Variants in FBXL19 observed in about 807,000 individuals in gnomAD.
FBXL19 encodes F-box and leucine rich repeat protein 19.
FBXL19 carries 16 observed loss-of-function variants against 71.2 expected under a neutral mutation model. The observed-to-expected ratio is 0.22, with a 90% CI of 0.15 to 0.34. The LOEUF (loss-of-function observed/expected upper bound fraction) is 0.34, where lower values mean the gene tolerates loss of function less well. FBXL19 is among the 10% of genes least tolerant of loss of function. The pLI is 1.00. For missense variants in FBXL19, 658 were observed against 968.2 expected, an observed-to-expected ratio of 0.68 and a Z score of 4.25; for synonymous variants, 447 against 409.4, an observed-to-expected ratio of 1.09 and a Z score of -1.11.
chr16:30,928,585 C>A lies in FBXL19; in HGVS notation c.746C>A (p.Ala249Asp), dbSNP rs1461802297. ...CCCAGGGTTCTGAATCCGAGCCAGG[C>A]TTTCTCATCCTGCCACCCTGGGCTC... ...LPPRVLNPSQ[A>D]FSSCHPGLPP... The change falls in exon 6 of 11, where the codon GCT becomes GAT. Residue 249 changes from alanine to aspartate, a missense_variant. This residue lies in a region of FBXL19 where 447 missense variants were observed against 515.4 expected (regional missense o/e 0.87). Transcript: ENST00000338343. The A allele has an allele frequency of 1.2e-6, 2 of 1,604,752 alleles. No homozygotes were observed. The highest frequency in any genetic ancestry group is 1.7e-6 in the Non-Finnish European group (2 of 1,175,842).
Position 30,942,341 on chromosome 16 carries a change from C to A in FBXL19, c.1466-34C>A. The A allele has an allele frequency of 6.2e-7, 1 of 1,604,652 alleles. No individual in the cohort carries two copies. Among genetic ancestry groups the A allele is most frequent in the Non-Finnish European group, 8.5e-7 (1 of 1,174,688 alleles). ...GGACAGGCCTGGGATGGAGTCCTCA[C>A]AGCACCTGCTTCCTGACTGCCCCCT... On this transcript the variant is annotated intron_variant, in intron 8 of 10. Coordinates refer to ENST00000338343, the MANE Select transcript of FBXL19 (RefSeq NM_001382779.1). This position sits in a 1 kb window ranked among gnomAD's most constrained non-coding sequence, Gnocchi z 5.7.
chr16:30,942,040 G>T lies in FBXL19; in HGVS notation c.1302-76G>T. On this transcript the variant is annotated intron_variant, in intron 7 of 10. Transcript: ENST00000338343. The surrounding 1 kb of genome is among the most constrained non-coding windows in gnomAD (Gnocchi z 5.7). ...AGAAGAGAGCTGGGGTGCACCCTTG[G>T]AGCTGGGGAGCCTGGGAACTGTGGG... 1.4e-6 allele frequency: 2 copies of T among 1,433,792 alleles called. No homozygotes were observed. Among genetic ancestry groups the T allele is most frequent in the Non-Finnish European group, 1.8e-6 (2 of 1,085,930 alleles). 88.8% of individuals were successfully genotyped at this position (1,433,792 alleles called of 1,614,324 possible). A position where few individuals can be genotyped will look rare whatever the true frequency, so the allele number is the denominator to read the frequency against.
At chr16:30,924,561 CCT>C (rs1404620366) in intron 1 of FBXL19, 102 bp downstream of exon 1, 35 of 1,333,270 alleles carry the variant, frequency 2.6e-5, no homozygotes, top group Non-Finnish European at 3.2e-5. Context: ...CCAGCCTCAC[CCT>C]CTCTCTACTC....
In FBXL19 at chr16:30,946,619, T is replaced by A. The variant is rs917895196; in HGVS notation, c.1628-111T>A. 1.9e-6 allele frequency: 2 copies of A among 1,025,898 alleles called. No homozygotes were observed. The highest frequency in any genetic ancestry group is 1.5e-5 in the South Asian group (1 of 65,264). 63.5% of individuals were successfully genotyped at this position (1,025,898 alleles called of 1,614,324 possible). On this transcript the variant is annotated intron_variant, in intron 9 of 10. Transcript: ENST00000338343. This position sits in a 1 kb window ranked among gnomAD's most constrained non-coding sequence, Gnocchi z 6.7. ...TTTTTGAGAAGAGCAAGCCACAGAGTGCACCAGGTCACTCACTTATGTGGG... is the reference window on the plus strand; with the variant it reads ...TTTTTGAGAAGAGCAAGCCACAGAGAGCACCAGGTCACTCACTTATGTGGG...
intron 5 of FBXL19, 33 bp from the exon 6 acceptor site, chr16:30,928,434 C>T (rs750178740): frequency 6.6e-7 from 1 of 1,525,064 alleles, no homozygotes; most frequent in African/African-American, 1.4e-5. Context: ...TGGGGTCTCT[C>T]CCTTCCTCCA....
At chr16:30,939,135 A>T (rs1303490939) in intron 7 of FBXL19, among the ~76,000 whole-genome samples, 1 of 146,704 alleles carries the variant, frequency 6.8e-6, no homozygotes, top group South Asian at 2.2e-4. Context: ...GCAGTGGCGC[A>T]ATCTCGGCTT....
chr16:30,943,500 A>G (rs1481777205), intron 9 of FBXL19, among the ~76,000 whole-genome samples: 2 of 140,730 alleles, frequency 1.4e-5, no homozygotes, highest in African/African-American at 2.7e-5. Flanking sequence ...TCAGCCTCCC[A>G]AGTAGCTGGG....
chr16:30,927,583 C>T lies in FBXL19; in HGVS notation c.332C>T (p.Ala111Val), dbSNP rs1306588084. 6.4e-7 allele frequency: 1 copy of T among 1,558,876 alleles called. No homozygotes were observed. Among genetic ancestry groups the T allele is most frequent in the East Asian group, 2.4e-5 (1 of 41,416 alleles). The change falls in exon 4 of 11, where the codon GCT becomes GTT. Residue 111 changes from alanine (A) to valine (V), a missense_variant. Ala to Val is a moderately conservative substitution (Grantham distance 64). This residue lies in a region of FBXL19 where 447 missense variants were observed against 515.4 expected (regional missense o/e 0.87). Coordinates refer to ENST00000338343, the MANE Select transcript of FBXL19 (RefSeq NM_001382779.1). ...VHPGCLKMGK[A>V]EGVINAEIPN... is the part of the protein sequence containing the mutation. ...CCCTCCTGCCTACAGATGGGGAAGG[C>T]TGAGGGTGTCATCAATGCAGAGATC...
At chr16:30,938,624 G>A (rs2055763886) in intron 7 of FBXL19, among the ~76,000 whole-genome samples, 1 of 152,118 alleles carries the variant, frequency 6.6e-6, no homozygotes, top group South Asian at 2.1e-4. Context: ...TTGGAAGGAA[G>A]TCTCTCCATC....
At position 30,930,262 on chromosome 16, in the gene FBXL19, C is replaced by T; in HGVS notation, c.979C>T (p.Pro327Ser). Residue 327 changes from proline to serine, a missense_variant, in exon 7 of 11, where the codon CCC (proline) becomes TCC (serine). Pro to Ser is a moderately conservative substitution (Grantham distance 74). Coordinates refer to ENST00000338343, the MANE Select transcript of FBXL19 (RefSeq NM_001382779.1). This position sits in a 1 kb window ranked among gnomAD's most constrained non-coding sequence, Gnocchi z 8.5. ...SGTSLSEDEA[P>S]GEARNGRRPA... The stretch of plus-strand genomic sequence containing the variant: ...CACATCGCTGAGTGAGGACGAAGCC[C>T]CCGGCGAGGCCCGGAATGGGCGACG... 1 of 1,612,790 alleles carries T rather than the reference C, an allele frequency of 6.2e-7. No homozygotes were observed. The highest frequency in any genetic ancestry group is 8.5e-7 in the Non-Finnish European group (1 of 1,179,792).
At chr16:30,943,221 C>T (rs1175652743) in intron 9 of FBXL19, among the ~76,000 whole-genome samples, 2 of 152,156 alleles carry the variant, frequency 1.3e-5, no homozygotes, top group Non-Finnish European at 2.9e-5. Flanking sequence ...GACCATCTGG[C>T]TCTGTCACCC....
chr16:30,922,851 G>C (rs1056155607), upstream of FBXL19: 1 of 351,368 alleles, frequency 2.8e-6, no homozygotes, highest in East Asian at 8.0e-5. Context: ...TGGTGGGGGG[G>C]ATTTCGAGAC....
intron 2 of FBXL19, among the ~76,000 whole-genome samples, chr16:30,926,585 C>T (rs1309933179): frequency 6.6e-6 from 1 of 151,944 alleles, no homozygotes; most frequent in Non-Finnish European, 1.5e-5. Context: ...ATCCTGCGTC[C>T]CCCTCCCCAC....
intron 7 of FBXL19, among the ~76,000 whole-genome samples, chr16:30,936,905 G>A (rs1435266980): frequency 6.6e-6 from 1 of 150,778 alleles, no homozygotes; most frequent in Non-Finnish European, 1.5e-5. Context: ...ACCACACCCA[G>A]CTAATTTTTG....
At position 30,947,823 on chromosome 16, in the gene FBXL19, A is replaced by C; in HGVS notation, c.*593A>C. 1 of 443,838 alleles carries C rather than the reference A, an allele frequency of 2.3e-6. No individual in the cohort carries two copies. Among genetic ancestry groups the C allele is most frequent in the Non-Finnish European group, 4.5e-6 (1 of 221,150 alleles). 27.5% of individuals were successfully genotyped at this position (443,838 alleles called of 1,614,324 possible). ...GGACAGCAATACCCCCTTGGGGGTC[A>C]CCTCTCTGCTTCCCCCCTCCCCAGG... is the stretch of plus-strand genomic sequence containing the variant. On this transcript the variant is annotated 3_prime_UTR_variant, in exon 11 of 11. Coordinates refer to ENST00000338343, the MANE Select transcript of FBXL19 (RefSeq NM_001382779.1).
At position 30,946,822 on chromosome 16, in the gene FBXL19, C is replaced by T; in HGVS notation, c.1720C>T (p.Arg574Cys). 14 of 1,612,778 alleles carry T rather than the reference C, an allele frequency of 8.7e-6. No individual in the cohort carries two copies. Among genetic ancestry groups the T allele is most frequent in the Non-Finnish European group, 1.2e-5 (14 of 1,179,660 alleles). Residue 574 changes from arginine (R) to cysteine (C), a missense_variant, in exon 10 of 11, where the codon CGT (arginine) becomes TGT (cysteine). Arg to Cys is a radical substitution (Grantham distance 180, BLOSUM62 -3). This residue lies in a region of FBXL19 where 69 missense variants were observed against 177.8 expected (regional missense o/e 0.39). Transcript: ENST00000338343. This position sits in a 1 kb window ranked among gnomAD's most constrained non-coding sequence, Gnocchi z 6.7. ...LTDASLRLLL[R>C]HAPQLSALDL... ...AGATGCCTCCCTGCGTCTCCTGCTG[C>T]GTCACGCACCCCAGCTGAGCGCCCT...
At chr16:30,936,722 A>G (rs1282535015) in intron 7 of FBXL19, among the ~76,000 whole-genome samples, 2 of 137,430 alleles carry the variant, frequency 1.5e-5, no homozygotes, top group East Asian at 2.1e-4. Context: ...CTGGGATTAC[A>G]GGCGTGAGCC....
At position 30,942,052 on chromosome 16, in the gene FBXL19, C is replaced by T. The variant is rs1465646301; in HGVS notation, c.1302-64C>T. ...GGGTGCACCCTTGGAGCTGGGGAGC[C>T]TGGGAACTGTGGGCTGCTGAGAGCT... On this transcript the variant is annotated intron_variant, in intron 7 of 10. Coordinates refer to ENST00000338343, the MANE Select transcript of FBXL19 (RefSeq NM_001382779.1). The surrounding 1 kb of genome is among the most constrained non-coding windows in gnomAD (Gnocchi z 5.7). The T allele has an allele frequency of 2.1e-6, 3 of 1,452,148 alleles. No individual in the cohort carries two copies. Among genetic ancestry groups the T allele is most frequent in the Non-Finnish European group, 2.7e-6 (3 of 1,096,942 alleles). 90.0% of individuals were successfully genotyped at this position (1,452,148 alleles called of 1,614,324 possible).
At chr16:30,929,937 C>A in intron 6 of FBXL19, 136 bp from the exon 7 acceptor site, 2 of 1,170,726 alleles carry the variant, frequency 1.7e-6, no homozygotes, top group Non-Finnish European at 2.4e-6. Context: ...CAAGGTCTCT[C>A]ACTGTCCGGA....
Sources: allele counts gnomAD v4.1 joint callset (sites outside exome capture counted in the v4.1 genomes callset), GRCh38; gene constraint gnomAD v4.1.1; regional missense constraint gnomAD v4.1.1; non-coding constraint Gnocchi (gnomAD v3.1); transcripts MANE v1.5; gene names NCBI Gene and HGNC (gene_info 2026-07-23, HGNC 2026-07-21).